Variants in NAALADL2 observed in about 807,000 individuals in gnomAD.
The protein encoded by NAALADL2 is inactive N-acetylated-alpha-linked acidic dipeptidase-like protein 2.
NAALADL2 carries 76 observed loss-of-function variants against 87.2 expected under a neutral mutation model. The ratio of observed to expected loss-of-function variants is 0.87; its 90% confidence interval spans 0.72 to 1.05. The LOEUF is 1.05. Among genes scored for constraint, NAALADL2 ranks in the 50% least tolerant of loss-of-function variants. The probability of loss-of-function intolerance (pLI) is 0.00; values close to 1 mark genes in which losing one functional copy is unlikely to be tolerated. For missense variants in NAALADL2, 1,089 were observed against 945.8 expected, an observed-to-expected ratio of 1.15 and a Z score of -1.99; for synonymous variants, 354 against 331.0, an observed-to-expected ratio of 1.07 and a Z score of -0.75.
At chr3:175,628,959 T>C (rs1727381349) in intron 11 of NAALADL2, among the ~76,000 whole-genome samples, 1 of 150,732 alleles carries the variant, frequency 6.6e-6, no homozygotes. Flanking sequence ...ACATTTATTA[T>C]GTTTGGCAAA....
intron 3 of NAALADL2, among the ~76,000 whole-genome samples, chr3:175,247,885 G>T (rs1168872914): frequency 6.6e-6 from 1 of 152,140 alleles, no homozygotes; most frequent in Non-Finnish European, 1.5e-5. Context: ...TCATCATCCA[G>T]ATTGGGTCCC....
intron 13 of NAALADL2, among the ~76,000 whole-genome samples, chr3:175,785,720 G>A (rs1312238550): frequency 1.4e-5 from 2 of 142,984 alleles, no homozygotes; most frequent in Admixed American, 7.0e-5. Flanking sequence ...AGTTAATATT[G>A]TTATGTGTGA....
intron 3 of NAALADL2, among the ~76,000 whole-genome samples, chr3:174,749,327 G>A (rs182521604): frequency 3.9e-5 from 6 of 152,138 alleles, no homozygotes; most frequent in African/African-American, 1.2e-4. Context: ...TGTTAAACTA[G>A]CATTACCTCA....
At chr3:175,716,198 TA>T (rs967852339) in intron 11 of NAALADL2, among the ~76,000 whole-genome samples, 1 of 146,278 alleles carries the variant, frequency 6.8e-6, no homozygotes, top group Admixed American at 6.9e-5. Flanking sequence ...ATGTATATAA[TA>T]TATTGGAATA....
chr3:174,762,759 G>C (rs1025082722), intron 3 of NAALADL2, among the ~76,000 whole-genome samples: 2 of 152,004 alleles, frequency 1.3e-5, no homozygotes, highest in African/African-American at 4.8e-5. Flanking sequence ...GAAAATCAGC[G>C]TGATGGGTAT....
At chr3:175,618,571 A>G (rs1384568505) in intron 10 of NAALADL2, among the ~76,000 whole-genome samples, 1 of 152,114 alleles carries the variant, frequency 6.6e-6, no homozygotes, top group Non-Finnish European at 1.5e-5. Flanking sequence ...CATGCACTTG[A>G]GGAGTGCAGG....
At chr3:175,641,765 A>AT (rs1417874954) in intron 11 of NAALADL2, among the ~76,000 whole-genome samples, 1 of 152,214 alleles carries the variant, frequency 6.6e-6, no homozygotes, top group African/African-American at 2.4e-5. Flanking sequence ...ACTTACAGCT[A>AT]TTTTGTAGAT....
intron 2 of NAALADL2, among the ~76,000 whole-genome samples, chr3:174,683,784 T>C (rs1727782881): frequency 6.6e-6 from 1 of 152,032 alleles, no homozygotes; most frequent in Non-Finnish European, 1.5e-5. Context: ...TTCAACTTGA[T>C]AATTTTTCAT....
chr3:175,625,279 T>G (rs1726823453), intron 10 of NAALADL2, among the ~76,000 whole-genome samples: 1 of 152,008 alleles, frequency 6.6e-6, no homozygotes, highest in African/African-American at 2.4e-5. Context: ...GAGAATGTCA[T>G]GTTTCAAACA....
At chr3:175,758,943 G>A (rs1035886160) in intron 13 of NAALADL2, among the ~76,000 whole-genome samples, 13 of 152,182 alleles carry the variant, frequency 8.5e-5, no homozygotes, top group African/African-American at 2.6e-4. Context: ...GAACTTTACT[G>A]TGTAAAGCCA....
At chr3:175,087,080 CTTGT>C (rs1230579049) in intron 1 of NAALADL2, among the ~76,000 whole-genome samples, 3 of 152,042 alleles carry the variant, frequency 2.0e-5, no homozygotes, top group Non-Finnish European at 4.4e-5. Context: ...AAAACCTATC[CTTGT>C]TTATCTTGAG....
chr3:174,477,264 G>T (rs2108322083), intron 1 of NAALADL2, among the ~76,000 whole-genome samples: 2 of 152,134 alleles, frequency 1.3e-5, no homozygotes, highest in South Asian at 4.1e-4. Context: ...ATAGAGCTAG[G>T]GTTAGAATCT....
At chr3:175,334,156 T>C (rs1388080681) in intron 5 of NAALADL2, among the ~76,000 whole-genome samples, 1 of 152,154 alleles carries the variant, frequency 6.6e-6, no homozygotes, top group African/African-American at 2.4e-5. Flanking sequence ...GAAAAAGATA[T>C]TTAGAATCAA....
intron 1 of NAALADL2, among the ~76,000 whole-genome samples, chr3:175,042,361 G>A (rs536431538): frequency 1.3e-5 from 2 of 152,034 alleles, no homozygotes; most frequent in African/African-American, 4.8e-5. Flanking sequence ...GAACATTTAG[G>A]TTGTTTCCAT....
intron 1 of NAALADL2, among the ~76,000 whole-genome samples, chr3:175,092,910 T>C (rs780936603): frequency 6.6e-5 from 10 of 151,930 alleles, no homozygotes; most frequent in Non-Finnish European, 1.3e-4. Flanking sequence ...AATAATTGCA[T>C]TTTATAAAAC....
chr3:174,588,601 G>T (rs969267295), intron 2 of NAALADL2, among the ~76,000 whole-genome samples: 1 of 152,152 alleles, frequency 6.6e-6, no homozygotes, highest in African/African-American at 2.4e-5. Context: ...TAACTGTCAG[G>T]ACCCTCAGCT....
At chr3:175,449,795 G>C (rs1163793893) in intron 6 of NAALADL2, among the ~76,000 whole-genome samples, 1 of 152,158 alleles carries the variant, frequency 6.6e-6, no homozygotes, top group Non-Finnish European at 1.5e-5. Context: ...AAGCCTACAA[G>C]AAGAGTTGAG....
intron 11 of NAALADL2, among the ~76,000 whole-genome samples, chr3:175,634,004 A>G (rs983249157): frequency 6.6e-6 from 1 of 151,850 alleles, no homozygotes; most frequent in Non-Finnish European, 1.5e-5. Flanking sequence ...CAGAATAAGA[A>G]AATATTTGTG....
chr3:174,652,177 A>G (rs778814120), intron 2 of NAALADL2, among the ~76,000 whole-genome samples: 8 of 152,142 alleles, frequency 5.3e-5, no homozygotes, highest in Non-Finnish European at 7.4e-5. Flanking sequence ...GGAGAACACA[A>G]TGGGAATTGT....
Sources: gnomAD v4.1 joint callset for allele counts (sites outside exome capture counted in the v4.1 genomes callset) on GRCh38, gnomAD v4.1.1 for gene constraint, MANE v1.5 for transcripts, NCBI Gene and HGNC (gene_info 2026-07-23, HGNC 2026-07-21) for gene names.